Variants in BTBD1 observed in about 807,000 individuals in gnomAD.
BTBD1 encodes the protein BTB/POZ domain-containing protein 1.
In BTBD1, 34 loss-of-function variants were observed where a neutral mutation model predicts 48.0. That is an observed-to-expected ratio of 0.71 (90% confidence interval 0.54 to 0.94). The LOEUF (loss-of-function observed/expected upper bound fraction) is 0.94, where lower values mean the gene tolerates loss of function less well. BTBD1 is among the 40% of genes least tolerant of loss of function. BTBD1 has a pLI of 0.00. For synonymous variants in BTBD1, 261 were observed against 242.1 expected, an observed-to-expected ratio of 1.08 and a Z score of -0.72; for missense variants, 543 against 625.6, an observed-to-expected ratio of 0.87 and a Z score of 1.41.
intron 4 of BTBD1, among the ~76,000 whole-genome samples, chr15:83,032,767 T>C (rs1322361920): frequency 1.3e-5 from 2 of 151,934 alleles, no homozygotes; most frequent in East Asian, 1.9e-4. Context: ...AAAGCCTACA[T>C]GTTTGGTACC....
At chr15:83,054,889 G>C (rs1305159891) in intron 2 of BTBD1, among the ~76,000 whole-genome samples, 1 of 151,986 alleles carries the variant, frequency 6.6e-6, no homozygotes, top group Non-Finnish European at 1.5e-5. Context: ...ATGATAGAAT[G>C]AACACTGAAC....
intron 1 of BTBD1, among the ~76,000 whole-genome samples, chr15:83,061,196 C>T (rs547218806): frequency 1.1e-3 from 164 of 152,308 alleles, no homozygotes; most frequent in Admixed American, 2.1e-3. Context: ...CAGGATGTTA[C>T]TGTACTGAAT....
At chr15:83,020,601 C>T in intron 6 of BTBD1, 74 bp downstream of exon 6, 1 of 989,300 alleles carries the variant, frequency 1.0e-6, no homozygotes, top group Admixed American at 2.2e-5. Flanking sequence ...AATTTGGATT[C>T]TGTCAAAACA....
chr15:83,044,888 C>T (rs997706514), intron 3 of BTBD1: 2 of 654,898 alleles, frequency 3.1e-6, no homozygotes, highest in Non-Finnish European at 5.4e-6. Context: ...TTATCACAAA[C>T]GTTTCACATG....
At chr15:83,048,987 G>C (rs2032930794) in intron 3 of BTBD1, among the ~76,000 whole-genome samples, 1 of 152,198 alleles carries the variant, frequency 6.6e-6, no homozygotes, top group Admixed American at 6.5e-5. Flanking sequence ...ACACAACGCA[G>C]TTCAAAAGCA....
Position 83,050,172 on chromosome 15 carries a change from A to G in BTBD1, c.565T>C (p.Leu189=). 1 of 1,609,468 alleles carries G rather than the reference A, an allele frequency of 6.2e-7. No individual in the cohort carries two copies. Among genetic ancestry groups the G allele is most frequent in the East Asian group, 2.2e-5 (1 of 44,762 alleles). Reference sequence around the variant, plus strand: ...CTAGCAAGCTGAGGTTCATCAAATAATCGAGCCTAAACATATAAAGAGATA... The same window carrying G: ...CTAGCAAGCTGAGGTTCATCAAATAGTCGAGCCTAAACATATAAAGAGATA... ...NAFMLLTQAR[L]FDEPQLASLC... Residue 189 remains leucine (L), a synonymous_variant, in exon 3 of 8, where the codon TTA becomes CTA. Transcript: ENST00000261721.
intron 4 of BTBD1, among the ~76,000 whole-genome samples, chr15:83,035,350 A>G (rs1392815781): frequency 6.6e-6 from 1 of 152,162 alleles, no homozygotes; most frequent in Admixed American, 6.6e-5. Flanking sequence ...TGCTGGGCCA[A>G]AGCAGATATC....
chr15:83,040,699 CAAAAAAAAAAAA>C (rs71156070), intron 4 of BTBD1, among the ~76,000 whole-genome samples: 1 of 57,232 alleles, frequency 1.7e-5, no homozygotes, highest in Non-Finnish European at 3.5e-5. Context: ...GACCCTGTCT[CAAAAAAAAAAAA>C]AAAAAAAAAA....
At chr15:83,022,514 A>C (rs954896737) in intron 5 of BTBD1, 2 of 152,032 alleles carry the variant, frequency 1.3e-5, no homozygotes, top group African/African-American at 4.8e-5. Context: ...TCTACTAAAA[A>C]TACAAAATTA....
At chr15:83,041,691 C>T (rs183212725) in intron 4 of BTBD1, 37 bp downstream of exon 4, 7 of 1,593,582 alleles carry the variant, frequency 4.4e-6, no homozygotes, top group Middle Eastern at 1.7e-4. Flanking sequence ...ACTATTAAAA[C>T]AGTTTCAAAT....
At position 83,030,293 on chromosome 15, in the gene BTBD1, C is replaced by A; in HGVS notation, c.898G>T (p.Val300Leu). The change falls in exon 5 of 8, where the codon GTG becomes TTG. Residue 300 changes from valine (V) to leucine (L), a missense_variant. By Grantham distance (32) the Val-to-Leu change is conservative. This residue lies in a region of BTBD1 where 300 missense variants were observed against 350.0 expected (regional missense o/e 0.86). Coordinates refer to ENST00000261721, the MANE Select transcript of BTBD1 (RefSeq NM_025238.4). ...AQSGILSDRE[V>L]VNLFLHFTVN... ...GTAAAATGAAGAAAGAGGTTTACCA[C>A]TTCACGATCTGACAAAATTCCAGAT... The A allele has an allele frequency of 6.2e-7, 1 of 1,614,058 alleles. No homozygotes were observed. Among genetic ancestry groups the A allele is most frequent in the Non-Finnish European group, 8.5e-7 (1 of 1,179,996 alleles).
chr15:83,045,417 G>A (rs2032857871), intron 3 of BTBD1, among the ~76,000 whole-genome samples: 1 of 152,104 alleles, frequency 6.6e-6, no homozygotes, highest in African/African-American at 2.4e-5. Context: ...AGAATCGCTT[G>A]AACCCGGGAG....
chr15:83,041,171 A>G (rs534445596), intron 4 of BTBD1, among the ~76,000 whole-genome samples: 1 of 151,398 alleles, frequency 6.6e-6, no homozygotes, highest in East Asian at 1.9e-4. Context: ...AAAAAAAGAA[A>G]AAAAAAAAAA....
Position 83,030,222 on chromosome 15 carries a change from G to T in BTBD1, c.969C>A (p.Cys323Ter), listed in dbSNP as rs1374961481. Residue 323 changes from cysteine (C) to a stop codon, truncating the protein, a stop_gained, in exon 5 of 8, where the codon TGC becomes TGA. Coordinates refer to ENST00000261721, the MANE Select transcript of BTBD1 (RefSeq NM_025238.4). LOFTEE classifies it high-confidence loss of function. ...TGCAGCATTCCTTTCCCCTGAGACA[G>T]CATCTTGGTCGGTCAATGTATTCAA... ...PRVEYIDRPRCCLRGKECCIN... is the reference protein window; with the variant it reads ...PRVEYIDRPR The T allele has an allele frequency of 6.2e-7, 1 of 1,613,944 alleles. No homozygotes were observed. The highest frequency in any genetic ancestry group is 1.3e-5 in the African/African-American group (1 of 74,964).
Position 83,050,065 on chromosome 15 carries a change from G to A in BTBD1, c.664+8C>T, listed in dbSNP as rs200869436. ...AAAATGTAACAATTTACTTCATAGCGAACTTACCTATATCAATATCAGTAA... is the reference window on the plus strand; with the variant it reads ...AAAATGTAACAATTTACTTCATAGCAAACTTACCTATATCAATATCAGTAA... On this transcript the variant is annotated splice_region_variant and intron_variant, in intron 3 of 7. Transcript: ENST00000261721. 6.4e-6 allele frequency: 10 copies of A among 1,560,464 alleles called. No homozygotes were observed. Among genetic ancestry groups the A allele is most frequent in the African/African-American group, 1.3e-5 (1 of 74,076 alleles).
At chr15:83,052,822 A>G (rs1260158092) in intron 2 of BTBD1, among the ~76,000 whole-genome samples, 1 of 40,604 alleles carries the variant, frequency 2.5e-5, no homozygotes, top group Admixed American at 2.6e-4. Flanking sequence ...TTTTTTTTTT[A>G]GTAGAGACGG....
At chr15:83,019,662 C>T (rs572756279) in intron 6 of BTBD1, among the ~76,000 whole-genome samples, 2 of 147,662 alleles carry the variant, frequency 1.4e-5, no homozygotes, top group South Asian at 4.3e-4. Flanking sequence ...GACCTTGGCT[C>T]ACTGCAACAT....
chr15:83,047,889 C>T, intron 3 of BTBD1, among the ~76,000 whole-genome samples: 1 of 152,130 alleles, frequency 6.6e-6, no homozygotes. Flanking sequence ...AAATTTTATG[C>T]AAATGGATGT....
At chr15:83,057,110 G>A (rs539108031) in intron 1 of BTBD1, among the ~76,000 whole-genome samples, 2 of 152,280 alleles carry the variant, frequency 1.3e-5, no homozygotes, top group East Asian at 1.9e-4. Context: ...AGTGTCTGCC[G>A]TATGACAAAT....
Sources: gnomAD v4.1 joint callset for allele counts (sites outside exome capture counted in the v4.1 genomes callset) on GRCh38, gnomAD v4.1.1 for gene constraint, gnomAD v4.1.1 regional missense constraint, MANE v1.5 for transcripts, NCBI Gene and HGNC (gene_info 2026-07-23, HGNC 2026-07-21) for gene names.